The following DRAM1 variants were observed in gnomAD, a reference collection of about 807,000 sequenced individuals.
DRAM1 encodes DNA damage regulated autophagy modulator 1.
Under a neutral mutation model 28.5 loss-of-function variants are expected in DRAM1, and 25 were observed. The observed-to-expected ratio is 0.88, with a 90% CI of 0.64 to 1.23. The LOEUF is 1.23. Among genes scored for constraint, DRAM1 ranks in the 50% most tolerant of loss-of-function variants. DRAM1 has a pLI of 0.00. For synonymous variants in DRAM1, 113 were observed against 114.2 expected, an observed-to-expected ratio of 0.99 and a Z score of 0.07; for missense variants, 249 against 299.2, an observed-to-expected ratio of 0.83 and a Z score of 1.24.
chr12:101,897,253 G>A (rs746722033), intron 1 of DRAM1, among the ~76,000 whole-genome samples: 4 of 151,720 alleles, frequency 2.6e-5, no homozygotes, highest in Non-Finnish European at 5.9e-5. Flanking sequence ...AGGCTCGAAT[G>A]CAGTGGCATG....
Position 101,923,110 on chromosome 12 carries a change from A to AAATAAATG in DRAM1, c.*1853_*1854insAAATGAAT, listed in dbSNP as rs1400814295. The AAATAAATG allele has an allele frequency of 6.6e-6, 1 of 152,142 alleles. No individual in the cohort carries two copies. Among genetic ancestry groups the AAATAAATG allele is most frequent in the African/African-American group, 2.4e-5 (1 of 41,410 alleles). 9.4% of individuals were successfully genotyped at this position (152,142 alleles called of 1,614,324 possible). A position where few individuals can be genotyped will look rare whatever the true frequency, so the allele number is the denominator to read the frequency against. On this transcript the variant is annotated 3_prime_UTR_variant, in exon 7 of 7. Transcript: ENST00000258534. The stretch of plus-strand genomic sequence containing the variant: ...CTGTCTCAAAAATAAATAAATAAAT[A>AAATAAATG]AATGAATAAAGAGAATGCTAATCAT...
intron 1 of DRAM1, among the ~76,000 whole-genome samples, chr12:101,890,520 T>C (rs1019784662): frequency 4.4e-5 from 1 of 22,722 alleles, no homozygotes; most frequent in Non-Finnish European, 6.5e-5. Flanking sequence ...GACAAACTGC[T>C]AAAATAGCTT....
At chr12:101,889,390 G>C (rs1181075263) in intron 1 of DRAM1, among the ~76,000 whole-genome samples, 2 of 152,088 alleles carry the variant, frequency 1.3e-5, no homozygotes, top group Non-Finnish European at 2.9e-5. Context: ...GTCCCCTCTC[G>C]TGAGAGAGCT....
intron 3 of DRAM1, among the ~76,000 whole-genome samples, chr12:101,904,840 G>C (rs1873744192): frequency 6.6e-6 from 1 of 152,092 alleles, no homozygotes; most frequent in African/African-American, 2.4e-5. Context: ...CAGAAAGAGT[G>C]CCGGGTTTTA....
chr12:101,902,689 T>C (rs1873650512), intron 3 of DRAM1, among the ~76,000 whole-genome samples: 1 of 152,246 alleles, frequency 6.6e-6, no homozygotes, highest in Non-Finnish European at 1.5e-5. Flanking sequence ...CAACTTTTGG[T>C]TCCCCTTAAG....
Position 101,897,866 on chromosome 12 carries a change from T to C in DRAM1, c.135T>C (p.Asp45=), listed in dbSNP as rs777970668. 6.8e-6 allele frequency: 11 copies of C among 1,608,822 alleles called. No individual in the cohort carries two copies. Among genetic ancestry groups the C allele is most frequent in the South Asian group, 2.2e-5 (2 of 90,542 alleles). ...GGACATTTCTTCCCTTTGCCAGTGA[T>C]ACGGGAACAACACCTCCAGAGAGTG... ...HVNPFLPYIS[D]TGTTPPESGI... Residue 45 remains aspartate, a synonymous_variant, in exon 2 of 7, where the codon GAT becomes GAC. Coordinates refer to ENST00000258534, the MANE Select transcript of DRAM1 (RefSeq NM_018370.3).
At chr12:101,891,733 C>G (rs982938636) in intron 1 of DRAM1, among the ~76,000 whole-genome samples, 3 of 152,208 alleles carry the variant, frequency 2.0e-5, no homozygotes, top group Admixed American at 2.0e-4. Flanking sequence ...TTTACAGTTT[C>G]CAGAAAGTGC....
chr12:101,910,210 G>C (rs1369151322), intron 4 of DRAM1, among the ~76,000 whole-genome samples: 4 of 152,062 alleles, frequency 2.6e-5, no homozygotes, highest in Non-Finnish European at 5.9e-5. Flanking sequence ...TTGTTCCTAA[G>C]ATAGTTGCTT....
At chr12:101,907,117 T>C (rs1873845270) in intron 3 of DRAM1, among the ~76,000 whole-genome samples, 1 of 147,348 alleles carries the variant, frequency 6.8e-6, no homozygotes, top group African/African-American at 2.5e-5. Context: ...GGAGGATCTC[T>C]TGAGCCTGGG....
chr12:101,885,211 G>A (rs1276073744), intron 1 of DRAM1, among the ~76,000 whole-genome samples: 1 of 152,164 alleles, frequency 6.6e-6, no homozygotes, highest in East Asian at 1.9e-4. Flanking sequence ...ACCACACCCA[G>A]CCTTGCATTC....
chr12:101,897,524 T>TG (rs879654428), intron 1 of DRAM1, among the ~76,000 whole-genome samples: 10 of 113,064 alleles, frequency 8.8e-5, no homozygotes, highest in East Asian at 6.5e-4. Flanking sequence ...TAGATCTTTT[T>TG]TTTTTGTTTT....
At chr12:101,914,058 G>A in intron 4 of DRAM1, 116 bp from the exon 5 acceptor site, 1 of 502,208 alleles carries the variant, frequency 2.0e-6, no homozygotes, top group South Asian at 6.1e-5. Flanking sequence ...TGATAGAAAT[G>A]TTGGTATTAA....
intron 1 of DRAM1, among the ~76,000 whole-genome samples, chr12:101,896,314 T>C (rs1253369388): frequency 6.6e-6 from 1 of 152,260 alleles, no homozygotes; most frequent in Non-Finnish European, 1.5e-5. Flanking sequence ...ATTTTCAACG[T>C]GATCGGTTTT....
chr12:101,901,559 G>T (rs932971772), intron 3 of DRAM1, 126 bp downstream of exon 3: 2 of 1,201,602 alleles, frequency 1.7e-6, no homozygotes, highest in Non-Finnish European at 2.3e-6. Flanking sequence ...TTTACAATAA[G>T]TGGGTTAGTT....
At position 101,877,715 on chromosome 12, in the gene DRAM1, C is replaced by G; in HGVS notation, c.-75C>G. On this transcript the variant is annotated 5_prime_UTR_variant, in exon 1 of 7. Transcript: ENST00000258534. The surrounding 1 kb of genome is among the most constrained non-coding windows in gnomAD (Gnocchi z 4.1). The stretch of plus-strand genomic sequence containing the variant: ...CGTGAGTGTACGCGCCCGGCCGCCG[C>G]CTCCAGGCAGCCCGGAGCAACCCGG... The G allele has an allele frequency of 8.3e-7, 1 of 1,211,256 alleles. No homozygotes were observed. The highest frequency in any genetic ancestry group is 1.0e-6 in the Non-Finnish European group (1 of 961,508). The allele number at this position is 1,211,256 out of a possible 1,614,324, so 75.0% of individuals were successfully genotyped here. A position where few individuals can be genotyped will look rare whatever the true frequency, so the allele number is the denominator to read the frequency against.
At chr12:101,908,408 C>T in intron 4 of DRAM1, 45 bp downstream of exon 4, 1 of 1,556,952 alleles carries the variant, frequency 6.4e-7, no homozygotes, top group Non-Finnish European at 8.7e-7. Flanking sequence ...ATAAAACATT[C>T]AGTGACACTT....
intron 1 of DRAM1, among the ~76,000 whole-genome samples, chr12:101,884,933 G>GT (rs779895150): frequency 0.02 from 2,715 of 134,374 alleles, 63 homozygotes; most frequent in African/African-American, 0.058. Flanking sequence ...TAGAGAAAAT[G>GT]TTTTTTTTTT....
chr12:101,903,189 G>A (rs758378738), intron 3 of DRAM1, among the ~76,000 whole-genome samples: 1 of 152,164 alleles, frequency 6.6e-6, no homozygotes, highest in Non-Finnish European at 1.5e-5. Context: ...GGGATTACAG[G>A]CATGAGCCAC....
At chr12:101,879,261 A>G (rs1473326558) in intron 1 of DRAM1, among the ~76,000 whole-genome samples, 1 of 152,032 alleles carries the variant, frequency 6.6e-6, no homozygotes, top group Non-Finnish European at 1.5e-5. Context: ...GCCTCCCAAA[A>G]TGCTAGGATT....
Sources: gnomAD v4.1 joint callset for allele counts (sites outside exome capture counted in the v4.1 genomes callset) on GRCh38, gnomAD v4.1.1 for gene constraint, Gnocchi (gnomAD v3.1) non-coding constraint, MANE v1.5 for transcripts, NCBI Gene and HGNC (gene_info 2026-07-23, HGNC 2026-07-21) for gene names.